Variants in OPRM1 observed in about 807,000 individuals in gnomAD.
OPRM1 encodes mu-type opioid receptor.
A neutral mutation model predicts 31.8 loss-of-function variants in OPRM1; 27 were observed. That is an observed-to-expected ratio of 0.85 (90% CI 0.63 to 1.17). The LOEUF (loss-of-function observed/expected upper bound fraction) is 1.17, where lower values mean the gene tolerates loss of function less well. OPRM1 is among the 50% of genes most tolerant of loss of function. OPRM1 has a pLI of 0.00. For missense variants in OPRM1, 536 were observed against 511.1 expected, an observed-to-expected ratio of 1.05 and a Z score of -0.47; for synonymous variants, 196 against 189.9, an observed-to-expected ratio of 1.03 and a Z score of -0.26.
chr6:154,100,298 T>TTATAATATTATGA (rs1173768569), intron 3 of OPRM1, among the ~76,000 whole-genome samples: 1 of 146,320 alleles, frequency 6.8e-6, no homozygotes, highest in Admixed American at 6.9e-5. Context: ...ATAATATATA[T>TTATAATATTATGA]CAAAAAGTCA....
intron 3 of OPRM1, among the ~76,000 whole-genome samples, chr6:154,197,744 ACCT>A (rs1431145525): frequency 6.6e-6 from 1 of 151,620 alleles, no homozygotes; most frequent in African/African-American, 2.4e-5. Flanking sequence ...AAAACCCTCA[ACCT>A]CCAGGGTTAT....
intron 3 of OPRM1, among the ~76,000 whole-genome samples, chr6:154,215,498 C>T (rs1440667970): frequency 1.3e-5 from 2 of 152,006 alleles, no homozygotes; most frequent in Admixed American, 6.6e-5. Flanking sequence ...CCCAGCTACT[C>T]GGGAGTCTGA....
In OPRM1 at chr6:154,084,031, C is replaced by T. The variant is rs531678347; in HGVS notation, c.291-5795C>T. Among the ~76,000 whole-genome samples, 322 of 151,818 alleles carry T rather than the reference C, an allele frequency of 2.1e-3. 1 individual carries two copies. The highest frequency in any genetic ancestry group is 7.1e-3 in the African/African-American group (294 of 41,402). On this transcript the variant is annotated intron_variant, in intron 1 of 3. Transcript: ENST00000330432. Reference sequence around the variant, plus strand: ...ACAGGAATGGAAACGGCCACTTGCCCTCTGGATGGAAATGCCTCTTTGCTT... The same window carrying T: ...ACAGGAATGGAAACGGCCACTTGCCTTCTGGATGGAAATGCCTCTTTGCTT...
At chr6:154,169,051 G>A (rs13202690) in intron 3 of OPRM1, among the ~76,000 whole-genome samples, 8,584 of 147,254 alleles carry the variant, frequency 0.058, 289 homozygotes, top group African/African-American at 0.069. Context: ...TCAACTCTAA[G>A]ACCAAAAGCT....
intron 3 of OPRM1, among the ~76,000 whole-genome samples, chr6:154,209,121 A>C (rs1777747904): frequency 6.6e-6 from 1 of 152,366 alleles, no homozygotes; most frequent in South Asian, 2.1e-4. Context: ...CTCTATAGCA[A>C]TTAGAATGAT....
downstream of OPRM1, among the ~76,000 whole-genome samples, chr6:154,133,315 G>C (rs189374566): frequency 1.3e-5 from 2 of 152,128 alleles, no homozygotes; most frequent in East Asian, 3.9e-4. Context: ...TCCTTCTTCT[G>C]CTCAAAAGCT....
intron 1 of OPRM1, among the ~76,000 whole-genome samples, chr6:154,057,952 A>G (rs1783645536): frequency 6.6e-6 from 1 of 152,228 alleles, no homozygotes; most frequent in African/African-American, 2.4e-5. Flanking sequence ...AGAGAAATTG[A>G]CACTATCTTT....
rs547273317 is a variant in OPRM1, at chr6:154,081,416, G to C, written c.291-8410G>C. On this transcript the variant is annotated intron_variant, in intron 1 of 3. Coordinates refer to ENST00000330432, the MANE Select transcript of OPRM1 (RefSeq NM_000914.5). ...AGCTACTGGGGAGGCTGAGGCAGGA[G>C]AATGGCGTGAACCCGGGAGGCGGAG... Among the ~76,000 whole-genome samples the C allele has an allele frequency of 2.9e-3, 438 of 152,314 alleles. 2 individuals are homozygous for C. Among genetic ancestry groups the C allele is most frequent in the African/African-American group, 9.9e-3 (413 of 41,580 alleles).
At chr6:154,081,217 C>A (rs2128467848) in intron 1 of OPRM1, among the ~76,000 whole-genome samples, 1 of 152,198 alleles carries the variant, frequency 6.6e-6, no homozygotes, top group South Asian at 2.1e-4. Flanking sequence ...GAAAATAAAG[C>A]AAAGGGCCTG....
chr6:154,140,916 A>G (rs1045442931), intron 3 of OPRM1, among the ~76,000 whole-genome samples: 1 of 152,208 alleles, frequency 6.6e-6, no homozygotes, highest in Non-Finnish European at 1.5e-5. Context: ...GGCCAGCACT[A>G]GATGCTGTAG....
chr6:154,181,811 G>T (rs1800901120), intron 3 of OPRM1, among the ~76,000 whole-genome samples: 1 of 152,150 alleles, frequency 6.6e-6, no homozygotes, highest in Non-Finnish European at 1.5e-5. Context: ...TTACCTTCTT[G>T]GGGACTTGAA....
chr6:154,082,469 T>G (rs1022093891), intron 1 of OPRM1, among the ~76,000 whole-genome samples: 1 of 152,218 alleles, frequency 6.6e-6, no homozygotes, highest in African/African-American at 2.4e-5. Context: ...ATTTAAAATC[T>G]ACAGCATATG....
chr6:154,226,568 A>G (rs1779267952), intron 3 of OPRM1, among the ~76,000 whole-genome samples: 1 of 151,736 alleles, frequency 6.6e-6, no homozygotes, highest in Non-Finnish European at 1.5e-5. Context: ...TCCACCCATT[A>G]CCTACTGCCT....
At chr6:154,149,329 T>TATCA (rs1178443064) in intron 3 of OPRM1, among the ~76,000 whole-genome samples, 1 of 152,112 alleles carries the variant, frequency 6.6e-6, no homozygotes, top group African/African-American at 2.4e-5. Flanking sequence ...ACTCACTCAC[T>TATCA]ATCACAAGAA....
At chr6:154,112,085 T>C (rs1482872711) in intron 3 of OPRM1, among the ~76,000 whole-genome samples, 7 of 152,144 alleles carry the variant, frequency 4.6e-5, no homozygotes, top group Non-Finnish European at 7.4e-5. Flanking sequence ...GTTTAAAAAA[T>C]TGTTGACAAA....
Position 154,173,715 on chromosome 6 carries a change from C to T in OPRM1, c.1165-72978C>T, listed in dbSNP as rs530176891. Among the ~76,000 whole-genome samples, 9 of 152,230 alleles carry T rather than the reference C, an allele frequency of 5.9e-5. No individual in the cohort carries two copies. The South Asian group carries it at 8.3e-4, about 14-fold the overall frequency. On this transcript the variant is annotated intron_variant, in intron 3 of 3. Transcript: ENST00000337049. ...ATTTGATTGGTGTAACTGAAAGTGACGGGGAGAATGGGACCAAATTGGAAA... is the reference window on the plus strand; with the variant it reads ...ATTTGATTGGTGTAACTGAAAGTGATGGGGAGAATGGGACCAAATTGGAAA...
At chr6:154,223,558 A>AGC (rs1304323700) in intron 3 of OPRM1, among the ~76,000 whole-genome samples, 4 of 91,316 alleles carry the variant, frequency 4.4e-5, no homozygotes, top group Non-Finnish European at 8.5e-5. Flanking sequence ...TAGCTAACCC[A>AGC]ACAGTCATGT....
At chr6:154,152,004 G>A (rs1798511512) in intron 3 of OPRM1, among the ~76,000 whole-genome samples, 2 of 151,780 alleles carry the variant, frequency 1.3e-5, no homozygotes. Context: ...GTGAAACCCT[G>A]TCTCTACTAA....
At chr6:154,057,529 T>A (rs1251834140) in intron 1 of OPRM1, among the ~76,000 whole-genome samples, 1 of 152,216 alleles carries the variant, frequency 6.6e-6, no homozygotes, top group Non-Finnish European at 1.5e-5. Flanking sequence ...TAAGTCTTTA[T>A]TCCATTTCTC....
Sources: gnomAD v4.1 joint callset for allele counts (sites outside exome capture counted in the v4.1 genomes callset) on GRCh38, gnomAD v4.1.1 for gene constraint, MANE v1.5 for transcripts, NCBI Gene and HGNC (gene_info 2026-07-23, HGNC 2026-07-21) for gene names.